AKNA: variants seen among roughly 807,000 people sequenced by gnomAD.
AKNA encodes AT-hook transcription factor.
AKNA carries 67 observed loss-of-function variants against 138.8 expected under a neutral mutation model. The observed-to-expected ratio is 0.48, with a 90% CI of 0.40 to 0.59. The LOEUF is 0.59. Among genes scored for constraint, AKNA ranks in the 20% least tolerant of loss-of-function variants. The probability of loss-of-function intolerance (pLI) is 0.00; values close to 1 mark genes in which losing one functional copy is unlikely to be tolerated. For synonymous variants in AKNA, 737 were observed against 754.4 expected (o/e 0.98, Z 0.38); for missense variants, 1,813 against 1,880.4 (o/e 0.96, Z 0.66).
upstream of AKNA, among the ~76,000 whole-genome samples, chr9:114,397,206 C>CAA (rs2132168718): frequency 6.6e-6 from 1 of 152,312 alleles, no homozygotes; most frequent in South Asian, 2.1e-4. Context: ...CCCAGAGTCC[C>CAA]AAAACACCAT....
downstream of AKNA, chr9:114,331,656 TG>T (rs781357754): frequency 6.2e-7 from 1 of 1,613,788 alleles, no homozygotes; most frequent in East Asian, 2.2e-5. Context: ...TGAGAAGAAC[TG>T]GGGGCTGTCT....
At chr9:114,389,556 T>C (rs962738274), upstream of AKNA, among the ~76,000 whole-genome samples, 1 of 151,932 alleles carries the variant, frequency 6.6e-6, no homozygotes, top group Non-Finnish European at 1.5e-5. Flanking sequence ...ATAAGAAGAG[T>C]AGCCACCCCA....
downstream of AKNA, chr9:114,331,698 A>G (rs747909999): frequency 1.1e-5 from 18 of 1,604,082 alleles, no homozygotes; most frequent in Non-Finnish European, 1.5e-5. Context: ...GCAGCCCCAA[A>G]CTCATGCCCC....
intron 7 of AKNA, among the ~76,000 whole-genome samples, chr9:114,364,056 G>A (rs532540918): frequency 2.6e-5 from 4 of 151,928 alleles, no homozygotes; most frequent in Admixed American, 2.6e-4. Context: ...CAAACTTTTG[G>A]CAACTATTTT....
In AKNA at chr9:114,336,881, C is replaced by T. The variant is rs368320298; in HGVS notation, c.*173G>A. The T allele has an allele frequency of 2.9e-5, 22 of 762,318 alleles. 1 individual carries two copies. In the South Asian group the frequency reaches 7.1e-4, roughly 25 times the overall value. 47.2% of individuals were successfully genotyped at this position (762,318 alleles called of 1,614,324 possible). The stretch of plus-strand genomic sequence containing the variant: ...ACTTCTCTTGGTGACCGAGCTGACA[C>T]CCCCTCCACTTGGAAAGCACAGGGA... On this transcript the variant is annotated 3_prime_UTR_variant, in exon 22 of 22. Transcript: ENST00000374088.
chr9:114,387,506 T>A (rs1245613372), intron 1 of AKNA, among the ~76,000 whole-genome samples: 1 of 152,226 alleles, frequency 6.6e-6, no homozygotes, highest in East Asian at 1.9e-4. Context: ...CCTGGCCTGC[T>A]GCCCATGCCT....
chr9:114,358,021 G>A lies in AKNA; in HGVS notation c.2639C>T (p.Ala880Val). The A allele has an allele frequency of 1.9e-6, 3 of 1,610,324 alleles. No homozygotes were observed. The highest frequency in any genetic ancestry group is 2.5e-6 in the Non-Finnish European group (3 of 1,177,394). Residue 880 changes from alanine (A) to valine (V), a missense_variant, in exon 12 of 22, where the codon GCA becomes GTA. Coordinates refer to ENST00000374088, the MANE Select transcript of AKNA (RefSeq NM_001317950.2). ...VPPHPPGTKS[A>V]ASHQSSMTSL... ...GGTCATACTACTTTGGTGGGATGCT[G>A]CGGACTTGGTGCCTGGAGGGTGGGG... is the stretch of plus-strand genomic sequence containing the variant.
chr9:114,368,676 C>T, intron 4 of AKNA, 81 bp from the exon 5 acceptor site: 1 of 1,170,258 alleles, frequency 8.5e-7, no homozygotes, highest in Non-Finnish European at 1.1e-6. Context: ...CATTCAGGAG[C>T]TCAACACACA....
rs114335944 is a variant in AKNA, at chr9:114,376,547, C to T, written c.1260G>A (p.Thr420=). The change falls in exon 3 of 22, where the codon ACG becomes ACA. Residue 420 remains threonine, a synonymous_variant. Transcript: ENST00000374088. ...SSGEAALAKD[T]PPAHPITRVP... ...CCCTGGTGATAGGGTGGGCAGGAGG[C>T]GTGTCCTTTGCCAGGGCTGCTTCTC... 961 of 1,614,100 alleles carry T rather than the reference C, an allele frequency of 6.0e-4. 10 individuals are homozygous for T. In the African/African-American group the frequency reaches 0.011, roughly 19 times the overall value.
chr9:114,365,933 T>C (rs1193875466), intron 6 of AKNA, among the ~76,000 whole-genome samples: 1 of 152,166 alleles, frequency 6.6e-6, no homozygotes, highest in Non-Finnish European at 1.5e-5. Flanking sequence ...TGACATTGCT[T>C]TATTTTGTGG....
chr9:114,361,266 G>A (rs1343940132), intron 9 of AKNA, among the ~76,000 whole-genome samples: 3 of 152,146 alleles, frequency 2.0e-5, no homozygotes, highest in East Asian at 3.8e-4. Context: ...TGTTTTCCCT[G>A]CTGGATGGGT....
Position 114,342,076 on chromosome 9 carries a change from A to C in AKNA, c.3807T>G (p.Leu1269=), listed in dbSNP as rs1334580073. 2 of 1,612,988 alleles carry C rather than the reference A, an allele frequency of 1.2e-6. No individual in the cohort carries two copies. Among genetic ancestry groups the C allele is most frequent in the Non-Finnish European group, 1.7e-6 (2 of 1,179,648 alleles). ...CAACTTGACCACACAGGGGACACTGAAGGGTATCAGCGGGAGGCGGTCCCA... is the reference window on the plus strand; with the variant it reads ...CAACTTGACCACACAGGGGACACTGCAGGGTATCAGCGGGAGGCGGTCCCA... The part of the protein sequence containing the change: ...DPLGPPPADT[L]QCPLCGQVGS... Residue 1269 remains leucine, a synonymous_variant, in exon 20 of 22, where the codon CTT becomes CTG. Transcript: ENST00000374088.
At position 114,346,653 on chromosome 9, in the gene AKNA, G is replaced by GC. The variant is rs1289731887; in HGVS notation, c.3514+15dup. ...CTGTGGCCTCTGGAAATCAGCCTTT[G>GC]CAGGTGGTCACTTACTCAGGGACAG... On this transcript the variant is annotated intron_variant, in intron 17 of 21. Transcript: ENST00000374088. 3 of 1,584,380 alleles carry GC rather than the reference G, an allele frequency of 1.9e-6. No individual in the cohort carries two copies. Among genetic ancestry groups the GC allele is most frequent in the Non-Finnish European group, 2.6e-6 (3 of 1,161,334 alleles).
rs1198295076 is a variant in AKNA, at chr9:114,359,952, G to A, written c.2235C>T (p.Ala745=). The change falls in exon 10 of 22, where the codon GCC becomes GCT. Residue 745 remains alanine, a synonymous_variant. Transcript: ENST00000374088. ...TCTGCAGCTCCTTGTGCCTGAGTCG[G>A]GCCAGGGGGTCCTGTGGCCTGTCCT... The part of the protein sequence containing the change: ...EVEDRPQDPL[A]RLRHKELQME... 1.9e-6 allele frequency: 3 copies of A among 1,614,188 alleles called. No homozygotes were observed. Among genetic ancestry groups the A allele is most frequent in the Non-Finnish European group, 2.5e-6 (3 of 1,180,020 alleles).
At chr9:114,363,946 T>C (rs1190195503) in intron 7 of AKNA, among the ~76,000 whole-genome samples, 1 of 152,130 alleles carries the variant, frequency 6.6e-6, no homozygotes, top group Non-Finnish European at 1.5e-5. Flanking sequence ...ATTGTATTTA[T>C]GACCACCGTT....
In AKNA at chr9:114,381,323, G is replaced by C. The variant is rs1393273816; in HGVS notation, c.11C>G (p.Ser4Trp). 2 of 1,594,016 alleles carry C rather than the reference G, an allele frequency of 1.3e-6. No individual in the cohort carries two copies. The highest frequency in any genetic ancestry group is 1.8e-5 in the Admixed American group (1 of 56,760). Residue 4 changes from serine (S) to tryptophan (W), a missense_variant, in exon 2 of 22, where the codon TCG becomes TGG. Transcript: ENST00000374088. MAS[S>W]ETEIRWAEPG... ...CTCAGCCCAGCGGATCTCAGTCTCC[G>C]AGCTGGCCATTGGGGCTGGCCTGGG...
At chr9:114,333,837 G>A (rs1168502136), downstream of AKNA, among the ~76,000 whole-genome samples, 8 of 151,004 alleles carry the variant, frequency 5.3e-5, no homozygotes, top group Non-Finnish European at 7.4e-5. Flanking sequence ...GTGTGATATT[G>A]TTTGGCTCTG....
intron 1 of AKNA, among the ~76,000 whole-genome samples, chr9:114,393,029 T>C (rs1291730189): frequency 6.6e-6 from 1 of 152,162 alleles, no homozygotes; most frequent in Non-Finnish European, 1.5e-5. Flanking sequence ...AAGGGACTGC[T>C]AACAGCAAAA....
chr9:114,362,570 A>T, intron 7 of AKNA, 37 bp from the exon 8 acceptor site: 1 of 1,604,520 alleles, frequency 6.2e-7, no homozygotes, highest in Non-Finnish European at 8.5e-7. Flanking sequence ...TTGAGTGCTC[A>T]GTCCCCGCGG....
Sources: gnomAD v4.1 joint callset for allele counts (sites outside exome capture counted in the v4.1 genomes callset) on GRCh38, gnomAD v4.1.1 for gene constraint, MANE v1.5 for transcripts, NCBI Gene and HGNC (gene_info 2026-07-23, HGNC 2026-07-21) for gene names.